CELSR1: variants seen among roughly 807,000 people sequenced by gnomAD.
CELSR1 encodes adhesion G protein-coupled receptor C1.
A neutral mutation model predicts 249.1 loss-of-function variants in CELSR1; 110 were observed. That is an observed-to-expected ratio of 0.44 (90% CI 0.38 to 0.52). The LOEUF is 0.52. Ranked by LOEUF, CELSR1 falls within the 20% of genes least tolerant of loss-of-function variation. The probability of loss-of-function intolerance (pLI) is 0.00; values close to 1 mark genes in which losing one functional copy is unlikely to be tolerated. For synonymous variants in CELSR1, 2,113 were observed against 1,900.0 expected, an observed-to-expected ratio of 1.11 and a Z score of -2.92; for missense variants, 4,109 against 4,296.4, an observed-to-expected ratio of 0.96 and a Z score of 1.22.
intron 2 of CELSR1, chr22:46,462,961 CA>C: frequency 2.2e-6 from 1 of 463,968 alleles, no homozygotes; most frequent in Non-Finnish European, 4.4e-6. Flanking sequence ...TTTCAAGACC[CA>C]AATGATTAAT....
intron 25 of CELSR1, among the ~76,000 whole-genome samples, chr22:46,371,888 TCCAC>T (rs1344347087): frequency 1.4e-5 from 2 of 138,518 alleles, no homozygotes; most frequent in South Asian, 5.1e-4. Context: ...CATCCATCCA[TCCAC>T]CCACCTCTCC....
intron 2 of CELSR1, among the ~76,000 whole-genome samples, chr22:46,450,666 C>T (rs2079873099): frequency 6.6e-6 from 1 of 152,216 alleles, no homozygotes; most frequent in South Asian, 2.1e-4. Flanking sequence ...CACCTCACTG[C>T]CTTCCCTGGA....
rs142379908 is a variant in CELSR1 at position 46,447,017 on chromosome 22, G to A, written c.4184-7606C>T. Among the ~76,000 whole-genome samples the A allele has an allele frequency of 7.9e-5, 12 of 152,160 alleles. No individual in the cohort carries two copies. The East Asian group carries it at 2.3e-3, about 30-fold the overall frequency. ...GAAGATAAAGTTAAGCAAAGCGGGA[G>A]TGGATTACAGTACTGTTTATAGGGA... is the stretch of plus-strand genomic sequence containing the variant. On this transcript the variant is annotated intron_variant, in intron 2 of 34. Transcript: ENST00000674500. The surrounding 1 kb of genome is among the most constrained non-coding windows in gnomAD (Gnocchi z 4.7).
chr22:46,528,093 A>ACT (rs3081605), intron 1 of CELSR1, among the ~76,000 whole-genome samples: 93,568 of 140,120 alleles, frequency 0.67, 32,606 homozygotes, highest in African/African-American at 0.86. Flanking sequence ...ACAGAGCAAG[A>ACT]CTGTCTCAAA....
At chr22:46,453,092 G>A (rs1045090226) in intron 2 of CELSR1, among the ~76,000 whole-genome samples, 5 of 152,202 alleles carry the variant, frequency 3.3e-5, no homozygotes, top group Admixed American at 6.5e-5. Context: ...GCCATGCCTC[G>A]GAGGGAGGCA....
At chr22:46,496,952 C>A (rs1391097386) in intron 1 of CELSR1, among the ~76,000 whole-genome samples, 1 of 151,972 alleles carries the variant, frequency 6.6e-6, no homozygotes, top group African/African-American at 2.4e-5. Flanking sequence ...GTGACATAAT[C>A]ATTTATTATA....
chr22:46,535,142 C>T lies in CELSR1; in HGVS notation c.2029G>A (p.Val677Met), dbSNP rs767904865. 11 of 1,610,560 alleles carry T rather than the reference C, an allele frequency of 6.8e-6. No homozygotes were observed. In the Middle Eastern group the frequency reaches 6.6e-4, roughly 97 times the overall value. The part of the protein sequence containing the change: ...MSSSTSVSIT[V>M]LDVNDNDPVF... ...GGGTCGTTGTCATTCACGTCCAGCACCGTGATGGACACGCTGGTGGAGGAG... is the reference window on the plus strand; with the variant it reads ...GGGTCGTTGTCATTCACGTCCAGCATCGTGATGGACACGCTGGTGGAGGAG... The change falls in exon 1 of 35, where the codon GTG becomes ATG. Residue 677 changes from valine to methionine, a missense_variant. Physicochemically the swap from Val to Met is conservative, Grantham distance 21 (BLOSUM62 1). Coordinates refer to ENST00000674500, the MANE Select transcript of CELSR1 (RefSeq NM_001378328.1).
chr22:46,401,168 A>G lies in CELSR1; in HGVS notation c.5227-1266T>C, dbSNP rs1020184859. 3.2e-4 allele frequency among the ~76,000 whole-genome samples: 48 copies of G among 152,272 alleles called. No homozygotes were observed. The highest frequency in any genetic ancestry group is 1.0e-3 in the African/African-American group (42 of 41,550). ...TCCTATTTTTGGATGTAAACATTAT[A>G]CTTTATAAGACAAGATTTAATCCTC... On this transcript the variant is annotated intron_variant, in intron 9 of 34. Coordinates refer to ENST00000674500, the MANE Select transcript of CELSR1 (RefSeq NM_001378328.1). This position sits in a 1 kb window ranked among gnomAD's most constrained non-coding sequence, Gnocchi z 4.7.
At chr22:46,365,119 G>C (rs2078753036) in intron 32 of CELSR1, 112 bp downstream of exon 32, 1 of 1,386,494 alleles carries the variant, frequency 7.2e-7, no homozygotes, top group Admixed American at 2.5e-5. Flanking sequence ...CTTTCATGTG[G>C]CTGCAGTGCT....
chr22:46,498,235 G>A (rs2080431826), intron 1 of CELSR1, among the ~76,000 whole-genome samples: 1 of 114,014 alleles, frequency 8.8e-6, no homozygotes, highest in Non-Finnish European at 1.7e-5. Flanking sequence ...GGCAACAAGA[G>A]TGAAACTCTG....
chr22:46,511,591 C>T (rs1248890353), intron 1 of CELSR1, among the ~76,000 whole-genome samples: 1 of 152,212 alleles, frequency 6.6e-6, no homozygotes, highest in East Asian at 1.9e-4. Context: ...GCTCAGAGAG[C>T]TGTGGATCCC....
At chr22:46,487,330 A>T (rs1361434133) in intron 1 of CELSR1, among the ~76,000 whole-genome samples, 1 of 151,404 alleles carries the variant, frequency 6.6e-6, no homozygotes, top group Non-Finnish European at 1.5e-5. Flanking sequence ...ATATCTTTTT[A>T]AAGATTCTAA....
chr22:46,492,736 G>T (rs1377885023), intron 1 of CELSR1, among the ~76,000 whole-genome samples: 1 of 151,818 alleles, frequency 6.6e-6, no homozygotes, highest in Non-Finnish European at 1.5e-5. Context: ...AATCGCTCGA[G>T]GCAAGATCCA....
In CELSR1 at chr22:46,537,284, C is replaced by A; in HGVS notation, c.-114G>T. ...GCTCCCGGGCGCCCGGCCCTCGGGG[C>A]GGTCCGCGTCCCGCCTCCCCGGGGG... is the stretch of plus-strand genomic sequence containing the variant. On this transcript the variant is annotated 5_prime_UTR_variant, in exon 1 of 35. Transcript: ENST00000674500. This position sits in a 1 kb window ranked among gnomAD's most constrained non-coding sequence, Gnocchi z 5.8. 1 of 992,030 alleles carries A rather than the reference C, an allele frequency of 1.0e-6. No individual in the cohort carries two copies. Among genetic ancestry groups the A allele is most frequent in the Non-Finnish European group, 1.2e-6 (1 of 833,690 alleles). The allele number at this position is 992,030 out of a possible 1,614,324, so 61.5% of individuals were successfully genotyped here.
At position 46,436,653 on chromosome 22, in the gene CELSR1, G is replaced by A. The variant is rs112836882; in HGVS notation, c.4407-364C>T. On this transcript the variant is annotated intron_variant, in intron 3 of 34. Transcript: ENST00000674500. The surrounding 1 kb of genome is among the most constrained non-coding windows in gnomAD (Gnocchi z 5.9). ...TCTGCTGCTGTGAACAGATCCCCCC[G>A]TGTGTGCGCCAGGGCATGGGGACCT... Among the ~76,000 whole-genome samples the A allele has an allele frequency of 8.7e-3, 1,324 of 152,262 alleles. 18 individuals carry two copies. Among genetic ancestry groups the A allele is most frequent in the African/African-American group, 0.03 (1,244 of 41,538 alleles).
chr22:46,456,661 T>TTA (rs1294028151), intron 2 of CELSR1, among the ~76,000 whole-genome samples: 34 of 60,278 alleles, frequency 5.6e-4, no homozygotes, highest in South Asian at 1.4e-3. Context: ...AGACTCTGTC[T>TTA]AAAAAAAAAA....
Position 46,446,417 on chromosome 22 carries a change from C to T in CELSR1, c.4184-7006G>A, listed in dbSNP as rs1314866587. Among the ~76,000 whole-genome samples the T allele has an allele frequency of 6.6e-6, 1 of 152,146 alleles. No homozygotes were observed. Among genetic ancestry groups the T allele is most frequent in the Non-Finnish European group, 1.5e-5 (1 of 68,006 alleles). ...AAAATCTCCCCTCTCCAGCAATCGC[C>T]CCACCAGCTCCACATCCAGCCCTGC... On this transcript the variant is annotated intron_variant, in intron 2 of 34. Coordinates refer to ENST00000674500, the MANE Select transcript of CELSR1 (RefSeq NM_001378328.1). This position sits in a 1 kb window ranked among gnomAD's most constrained non-coding sequence, Gnocchi z 5.5.
At position 46,535,635 on chromosome 22, in the gene CELSR1, C is replaced by T. The variant is rs1248619195; in HGVS notation, c.1536G>A (p.Leu512=). The part of the protein sequence containing the change: ...NVAGQFYLHS[L]SGILDVINPL... ...GGTTGATCACATCCAGGATCCCGCT[C>T]AGCGAGTGCAGGTAGAACTGGCCGG... The change falls in exon 1 of 35, where the codon CTG becomes CTA. Residue 512 remains leucine (L), a synonymous_variant. Coordinates refer to ENST00000674500, the MANE Select transcript of CELSR1 (RefSeq NM_001378328.1). 3 of 1,613,402 alleles carry T rather than the reference C, an allele frequency of 1.9e-6. No individual in the cohort carries two copies. Among genetic ancestry groups the T allele is most frequent in the Middle Eastern group, 1.6e-4 (1 of 6,062 alleles).
rs2080339901 is a variant in CELSR1 at position 46,488,714 on chromosome 22, C to T, written c.3545-24369G>A. Among the ~76,000 whole-genome samples, 1 of 149,962 alleles carries T rather than the reference C, an allele frequency of 6.7e-6. No individual in the cohort carries two copies. Among genetic ancestry groups the T allele is most frequent in the South Asian group, 2.1e-4 (1 of 4,752 alleles). On this transcript the variant is annotated intron_variant, in intron 1 of 34. Coordinates refer to ENST00000674500, the MANE Select transcript of CELSR1 (RefSeq NM_001378328.1). This position sits in a 1 kb window ranked among gnomAD's most constrained non-coding sequence, Gnocchi z 4.7. ...TTGCTCTGTCACCCAGGCTGGAGTT[C>T]AGTGGCGTGATCTCGGCTCACTGCA... is the stretch of plus-strand genomic sequence containing the variant.
Sources: gnomAD v4.1 joint callset for allele counts (sites outside exome capture counted in the v4.1 genomes callset) on GRCh38, gnomAD v4.1.1 for gene constraint, Gnocchi (gnomAD v3.1) non-coding constraint, MANE v1.5 for transcripts, NCBI Gene and HGNC (gene_info 2026-07-23, HGNC 2026-07-21) for gene names.